The following FRMPD1 variants were observed in gnomAD, a reference collection of about 807,000 sequenced individuals.
FRMPD1 encodes FERM and PDZ domain-containing protein 1.
FRMPD1 carries 76 observed loss-of-function variants against 117.8 expected under a neutral mutation model. That is an observed-to-expected ratio of 0.65 (90% CI 0.54 to 0.78). The LOEUF (loss-of-function observed/expected upper bound fraction) is 0.78. Ranked by LOEUF, FRMPD1 falls within the 30% of genes least tolerant of loss-of-function variation. The pLI, the probability that FRMPD1 is intolerant of heterozygous loss-of-function variation, is 0.00. For missense variants in FRMPD1, 1,786 were observed against 1,964.5 expected (o/e 0.91, Z 1.72); for synonymous variants, 783 against 770.4 (o/e 1.02, Z -0.27).
At chr9:37,643,473 C>T in the FRMPD1 span, among the ~76,000 whole-genome samples, 9 of 152,276 alleles carry the variant, frequency 5.9e-5, no homozygotes, top group South Asian at 1.9e-3. Flanking sequence ...GTGTTCATTA[C>T]ATTTTTCATT....
the FRMPD1 span, chr9:37,636,860 A>G: frequency 6.2e-7 from 1 of 1,611,214 alleles, no homozygotes; most frequent in Non-Finnish European, 8.5e-7. Context: ...CAAGAAGGGG[A>G]TGCCCAAAGA....
At chr9:37,633,036 T>TC in the FRMPD1 span, among the ~76,000 whole-genome samples, 1 of 140,348 alleles carries the variant, frequency 7.1e-6, no homozygotes, top group South Asian at 2.3e-4. Context: ...TATATATTTT[T>TC]CTTTTCTTTT....
chr9:37,697,884 A>G (rs959529063), intron 2 of FRMPD1, among the ~76,000 whole-genome samples: 1 of 152,350 alleles, frequency 6.6e-6, no homozygotes. Flanking sequence ...TGGGAAGCCA[A>G]GATGGGCAGA....
chr9:37,633,114 C>G, the FRMPD1 span, among the ~76,000 whole-genome samples: 1 of 151,682 alleles, frequency 6.6e-6, no homozygotes, highest in Non-Finnish European at 1.5e-5. Context: ...GATCTTGGCT[C>G]ACTGCAACCT....
chr9:37,700,613 A>C (rs1211961313), intron 2 of FRMPD1, among the ~76,000 whole-genome samples: 1 of 152,248 alleles, frequency 6.6e-6, no homozygotes, highest in East Asian at 1.9e-4. Flanking sequence ...TGTGAAGTGC[A>C]ATCAGTATCC....
chr9:37,717,379 A>ATT (rs1479937581), intron 5 of FRMPD1, among the ~76,000 whole-genome samples: 1 of 113,898 alleles, frequency 8.8e-6, no homozygotes, highest in African/African-American at 3.5e-5. Flanking sequence ...GTATATATAT[A>ATT]TATTTTTTTT....
chr9:37,674,504 G>A (rs556873248), intron 1 of FRMPD1, among the ~76,000 whole-genome samples: 2 of 152,166 alleles, frequency 1.3e-5, no homozygotes, highest in South Asian at 4.1e-4. Context: ...TTCTAAAGTC[G>A]CTTCCACATT....
chr9:37,633,781 A>C, the FRMPD1 span, among the ~76,000 whole-genome samples: 2 of 152,200 alleles, frequency 1.3e-5, no homozygotes, highest in Non-Finnish European at 2.9e-5. Context: ...GGATCATTTG[A>C]GCTTGGGAGG....
At chr9:37,735,997 C>A (rs895356856) in intron 13 of FRMPD1, among the ~76,000 whole-genome samples, 9 of 134,992 alleles carry the variant, frequency 6.7e-5, no homozygotes, top group Admixed American at 1.6e-4. Flanking sequence ...TGGAGAACAC[C>A]AGAGGATTTT....
At position 37,678,251 on chromosome 9, in the gene FRMPD1, C is replaced by CTTTTTTTTTTTTTTTT. The variant is rs34040451; in HGVS notation, c.-4-14374_-4-14359dup. ...CTCTTTTCCCCTCTAGTACTTACCA[C>CTTTTTTTTTTTTTTTT]TTTTTTTTTTTTTTTTTTTTTTTTT... On this transcript the variant is annotated intron_variant, in intron 1 of 15. Transcript: ENST00000377765. Among the ~76,000 whole-genome samples, 2 of 79,844 alleles carry CTTTTTTTTTTTTTTTT rather than the reference C, an allele frequency of 2.5e-5. 1 individual carries two copies. 52.4% of individuals were successfully genotyped at this position (79,844 alleles called of 152,430 possible). A position where few individuals can be genotyped will look rare whatever the true frequency, so the allele number is the denominator to read the frequency against.
intron 12 of FRMPD1, among the ~76,000 whole-genome samples, chr9:37,735,018 T>A (rs1307234456): frequency 1.3e-5 from 2 of 152,092 alleles, no homozygotes; most frequent in African/African-American, 4.8e-5. Flanking sequence ...GGGTTACAAA[T>A]AGAGATAAAT....
rs1444430093 is a variant in FRMPD1 at position 37,651,099 on chromosome 9, G to C, written c.-5+5G>C. 1 of 152,330 alleles carries C rather than the reference G, an allele frequency of 6.6e-6. No homozygotes were observed. Among genetic ancestry groups the C allele is most frequent in the Non-Finnish European group, 1.5e-5 (1 of 68,166 alleles). 9.4% of individuals were successfully genotyped at this position (152,330 alleles called of 1,614,324 possible). ...CGGGCGGCACCTCCTCTGCAGGTAA[G>C]GGAGGGGTCCTGGCACCGCAAAGTT... On this transcript the variant is annotated splice_donor_5th_base_variant and intron_variant, in intron 1 of 15. Transcript: ENST00000377765.
Position 37,737,260 on chromosome 9 carries a change from T to C in FRMPD1, c.1549+17T>C, listed in dbSNP as rs1824180225. ...CAGAAGAAGGTGAGGCACTGAGTCT[T>C]GCCCCAATAAGGACAGGCCCCTTTC... On this transcript the variant is annotated intron_variant, in intron 14 of 15. Transcript: ENST00000377765. 1 of 1,613,776 alleles carries C rather than the reference T, an allele frequency of 6.2e-7. No homozygotes were observed. Among genetic ancestry groups the C allele is most frequent in the Non-Finnish European group, 8.5e-7 (1 of 1,179,784 alleles).
In FRMPD1 at chr9:37,708,429, G is replaced by C. The variant is rs763230237; in HGVS notation, c.290G>C (p.Gly97Ala). The change falls in exon 4 of 16, where the codon GGT (glycine) becomes GCT (alanine). Residue 97 changes from glycine (G) to alanine (A), a missense_variant. Coordinates refer to ENST00000377765, the MANE Select transcript of FRMPD1 (RefSeq NM_014907.3). ...TCTGCTCACGGCAAGCTTTTCCCTG[G>C]TGATCAGATCCTCCAAATGAACAAT... ...GGSAHGKLFP[G>A]DQILQMNNEP... The C allele has an allele frequency of 2.0e-5, 32 of 1,613,338 alleles. No individual in the cohort carries two copies. Among genetic ancestry groups the C allele is most frequent in the Non-Finnish European group, 2.6e-5 (31 of 1,179,288 alleles).
chr9:37,637,116 G>A, the FRMPD1 span: 29 of 1,601,428 alleles, frequency 1.8e-5, no homozygotes, highest in Admixed American at 8.3e-5. Flanking sequence ...TCCCAGATCT[G>A]AAGTTTGATA....
the FRMPD1 span, among the ~76,000 whole-genome samples, chr9:37,620,599 T>C: frequency 6.6e-6 from 1 of 152,212 alleles, no homozygotes; most frequent in African/African-American, 2.4e-5. Flanking sequence ...GAAAGCATGT[T>C]TGATGTTCCA....
intron 4 of FRMPD1, among the ~76,000 whole-genome samples, chr9:37,710,795 T>C (rs1051693386): frequency 2.0e-5 from 3 of 151,894 alleles, no homozygotes; most frequent in African/African-American, 7.3e-5. Flanking sequence ...TGAAATCCCA[T>C]CTCTACTAAA....
intron 2 of FRMPD1, among the ~76,000 whole-genome samples, chr9:37,696,835 A>C (rs1822339857): frequency 6.6e-6 from 1 of 152,196 alleles, no homozygotes; most frequent in Non-Finnish European, 1.5e-5. Flanking sequence ...CGTTTCAGCC[A>C]GTTGTACTTG....
intron 1 of FRMPD1, 62 bp from the exon 2 acceptor site, chr9:37,692,576 T>G: frequency 9.4e-7 from 1 of 1,058,572 alleles, no homozygotes; most frequent in Non-Finnish European, 1.5e-6. Context: ...TCGTCCTGAT[T>G]TATCAAAATC....
Sources: allele counts gnomAD v4.1 joint callset (sites outside exome capture counted in the v4.1 genomes callset), GRCh38; gene constraint gnomAD v4.1.1; transcripts MANE v1.5; gene names NCBI Gene and HGNC (gene_info 2026-07-23, HGNC 2026-07-21).